The following ARPP21 variants were observed in gnomAD, a reference collection of about 807,000 sequenced individuals.
ARPP21 encodes the protein cAMP-regulated phosphoprotein 21.
In ARPP21, 69 loss-of-function variants were observed where a neutral mutation model predicts 113.2. The observed-to-expected ratio is 0.61, with a 90% CI of 0.50 to 0.74. The LOEUF is 0.74. Among genes scored for constraint, ARPP21 ranks in the 30% least tolerant of loss-of-function variants. The probability of loss-of-function intolerance (pLI) is 0.00; values close to 1 mark genes in which losing one functional copy is unlikely to be tolerated. For missense variants in ARPP21, 1,070 were observed against 1,037.4 expected (o/e 1.03, Z -0.43); for synonymous variants, 368 against 375.5 (o/e 0.98, Z 0.23).
intron 12 of ARPP21, among the ~76,000 whole-genome samples, chr3:35,716,704 T>C (rs2092451525): frequency 6.6e-6 from 1 of 152,042 alleles, no homozygotes; most frequent in Non-Finnish European, 1.5e-5. Flanking sequence ...TGGGAAACCT[T>C]ATTCTCTCGT....
intron 14 of ARPP21, among the ~76,000 whole-genome samples, chr3:35,724,916 A>C (rs2093411010): frequency 6.6e-6 from 1 of 152,216 alleles, no homozygotes; most frequent in South Asian, 2.1e-4. Context: ...GAATTATATA[A>C]TTCAGAAATA....
chr3:35,766,138 T>C (rs1310571753), intron 19 of ARPP21, among the ~76,000 whole-genome samples: 1 of 152,188 alleles, frequency 6.6e-6, no homozygotes, highest in Non-Finnish European at 1.5e-5. Flanking sequence ...TTTAACTCTC[T>C]GGATTTTAAA....
At chr3:35,744,460 A>T in intron 19 of ARPP21, 1 of 528,252 alleles carries the variant, frequency 1.9e-6, no homozygotes. Flanking sequence ...CCTCCTGCCC[A>T]GAGCCCGGCA....
intron 5 of ARPP21, 92 bp downstream of exon 5, chr3:35,683,907 G>T: frequency 1.0e-6 from 1 of 984,778 alleles, no homozygotes; most frequent in South Asian, 1.3e-5. Context: ...TGTTTTGGGG[G>T]AGAAAAATAT....
rs986292650 is a variant in ARPP21, at chr3:35,729,664, A to G, written c.1459+128A>G. On this transcript the variant is annotated intron_variant, in intron 15 of 20. Coordinates refer to ENST00000684406, the MANE Select transcript of ARPP21 (RefSeq NM_001385562.1). ...AGGAAAGCTAGTTGCATGAACTGTT[A>G]TGAAGCATTTTTGTTTAGAAAGAGC... 10 of 754,858 alleles carry G rather than the reference A, an allele frequency of 1.3e-5. No individual in the cohort carries two copies. The Admixed American group carries it at 2.3e-4, about 17-fold the overall frequency. 46.8% of individuals were successfully genotyped at this position (754,858 alleles called of 1,614,324 possible). A position where few individuals can be genotyped will look rare whatever the true frequency, so the allele number is the denominator to read the frequency against.
chr3:35,717,735 G>A (rs2092607684), intron 13 of ARPP21, among the ~76,000 whole-genome samples: 1 of 152,002 alleles, frequency 6.6e-6, no homozygotes, highest in African/African-American at 2.4e-5. Context: ...AGCCCTACTT[G>A]GGCAACTAAT....
At chr3:35,765,396 G>A (rs1021516916) in intron 19 of ARPP21, among the ~76,000 whole-genome samples, 7 of 152,102 alleles carry the variant, frequency 4.6e-5, no homozygotes, top group South Asian at 2.1e-4. Flanking sequence ...GAAACCAAGC[G>A]AGTGGGGTAG....
chr3:35,739,513 C>G lies in ARPP21; in HGVS notation c.1946C>G (p.Ser649Cys), dbSNP rs1227412249. 1.2e-6 allele frequency: 2 copies of G among 1,614,160 alleles called. No homozygotes were observed. The highest frequency in any genetic ancestry group is 2.2e-5 in the South Asian group (2 of 91,078). ...GGFSGSGPPI[S>C]QQVLQPPPSP... ...TTCTCAGGCTCTGGCCCTCCCATCTCCCAGCAGGTCCTCCAGCCCCCTCCC... is the reference window on the plus strand; with the variant it reads ...TTCTCAGGCTCTGGCCCTCCCATCTGCCAGCAGGTCCTCCAGCCCCCTCCC... Residue 649 changes from serine (S) to cysteine (C), a missense_variant, in exon 18 of 21, where the codon TCC (serine) becomes TGC (cysteine). Transcript: ENST00000684406.
At chr3:35,689,018 G>A (rs2081459364) in intron 6 of ARPP21, among the ~76,000 whole-genome samples, 1 of 151,294 alleles carries the variant, frequency 6.6e-6, no homozygotes. Context: ...GAATGAACAC[G>A]TGATATTTGA....
At chr3:35,705,609 C>G (rs1356415880) in intron 9 of ARPP21, among the ~76,000 whole-genome samples, 3 of 152,098 alleles carry the variant, frequency 2.0e-5, no homozygotes, top group African/African-American at 4.8e-5. Flanking sequence ...AAGGATGTGA[C>G]CAGGCTGTGT....
intron 13 of ARPP21, among the ~76,000 whole-genome samples, chr3:35,720,163 T>C (rs2092913195): frequency 1.4e-5 from 2 of 144,438 alleles, no homozygotes; most frequent in Non-Finnish European, 3.1e-5. Flanking sequence ...AAAATATTAA[T>C]AGAGGATGGA....
At chr3:35,735,179 G>A (rs1302663548) in intron 15 of ARPP21, among the ~76,000 whole-genome samples, 1 of 152,094 alleles carries the variant, frequency 6.6e-6, no homozygotes, top group Non-Finnish European at 1.5e-5. Context: ...GAGTGCAGTG[G>A]CACAATCTTA....
At chr3:35,715,307 C>T in intron 11 of ARPP21, 132 bp from the exon 12 acceptor site, 3 of 700,450 alleles carry the variant, frequency 4.3e-6, no homozygotes, top group Non-Finnish European at 7.5e-6. Flanking sequence ...TTTTTTATTT[C>T]TATCTTTTGT....
chr3:35,729,534 C>G lies in ARPP21; in HGVS notation c.1457C>G (p.Thr486Arg). ...GGAAGCATCCTTCTTAATCCACACA[C>G]AGGTGAGTTACTACCTGCTTTATCA... is the stretch of plus-strand genomic sequence containing the variant. ...PPGSILLNPHTGQPFVNPDGT... is the reference protein window; with the variant it reads ...PPGSILLNPHRGQPFVNPDGT... Residue 486 changes from threonine (T) to arginine (R), a missense_variant and splice_region_variant, in exon 15 of 21, where the codon ACA becomes AGA. Transcript: ENST00000684406. The G allele has an allele frequency of 1.2e-6, 2 of 1,612,410 alleles. No individual in the cohort carries two copies. The highest frequency in any genetic ancestry group is 1.1e-5 in the South Asian group (1 of 91,034).
rs534165644 is a variant in ARPP21 at position 35,700,682 on chromosome 3, A to G, written c.687-6292A>G. On this transcript the variant is annotated intron_variant, in intron 9 of 20. Transcript: ENST00000684406. ...GGAAGTGAAAAGAAGTGAATTCAACATGCAAAGTATTGTGCCTTTCTGTCA... is the reference window on the plus strand; with the variant it reads ...GGAAGTGAAAAGAAGTGAATTCAACGTGCAAAGTATTGTGCCTTTCTGTCA... 7.9e-5 allele frequency among the ~76,000 whole-genome samples: 12 copies of G among 151,888 alleles called. 1 individual carries two copies. The South Asian group carries it at 2.3e-3, about 29-fold the overall frequency.
rs1330220274 is a variant in ARPP21 at position 35,682,995 on chromosome 3, T to C, written c.171+106T>C. The C allele has an allele frequency of 6.3e-6, 7 of 1,118,086 alleles. No individual in the cohort carries two copies. The Middle Eastern group carries it at 7.9e-4, about 126-fold the overall frequency. The allele number at this position is 1,118,086 out of a possible 1,614,324, so 69.3% of individuals were successfully genotyped here. A position where few individuals can be genotyped will look rare whatever the true frequency, so the allele number is the denominator to read the frequency against. Reference sequence around the variant, plus strand: ...AGCATTTCAGATGATTGTGTCCAGATATTGTGGGGCATCTCGGCTGTACTG... The same window carrying C: ...AGCATTTCAGATGATTGTGTCCAGACATTGTGGGGCATCTCGGCTGTACTG... On this transcript the variant is annotated intron_variant, in intron 4 of 20. Transcript: ENST00000684406.
chr3:35,663,810 T>C (rs766670109), intron 1 of ARPP21, among the ~76,000 whole-genome samples: 3 of 152,268 alleles, frequency 2.0e-5, no homozygotes, highest in Non-Finnish European at 2.9e-5. Flanking sequence ...GCCGTGGGAA[T>C]TGGATTTGGA....
intron 9 of ARPP21, among the ~76,000 whole-genome samples, chr3:35,704,795 C>G (rs560707543): frequency 6.6e-6 from 1 of 152,052 alleles, no homozygotes; most frequent in Non-Finnish European, 1.5e-5. Context: ...CCAAATGCCT[C>G]TCAGGTACCA....
At chr3:35,693,054 T>A (rs1028086168) in intron 9 of ARPP21, among the ~76,000 whole-genome samples, 13 of 151,588 alleles carry the variant, frequency 8.6e-5, no homozygotes, top group South Asian at 2.1e-4. Context: ...GCTTTTTTTT[T>A]AATTAATGGC....
Sources: allele counts gnomAD v4.1 joint callset (sites outside exome capture counted in the v4.1 genomes callset), GRCh38; gene constraint gnomAD v4.1.1; transcripts MANE v1.5; gene names NCBI Gene and HGNC (gene_info 2026-07-23, HGNC 2026-07-21).